Variants in CLTC observed in about 807,000 individuals in gnomAD.
The protein encoded by CLTC is clathrin heavy chain.
Under a neutral mutation model 195.8 loss-of-function variants are expected in CLTC, and 16 were observed. The ratio of observed to expected loss-of-function variants is 0.08; its 90% confidence interval spans 0.06 to 0.12. CLTC has a LOEUF of 0.12. Among genes scored for constraint, CLTC ranks in the 10% least tolerant of loss-of-function variants. The pLI is 1.00. For missense variants in CLTC, 796 were observed against 2,027.0 expected (o/e 0.39, Z 11.66); for synonymous variants, 667 against 689.4 (o/e 0.97, Z 0.51).
In CLTC at chr17:59,680,800, TTTC is replaced by T. The variant is rs549977115; in HGVS notation, c.2920-111_2920-109del. ...CTCTCTATGTAAATTTAAAGGTCTT[TTTC>T]CTACTTCATTCTTTTCTGCCTATTT... On this transcript the variant is annotated intron_variant, in intron 18 of 31. Coordinates refer to ENST00000269122, the MANE Select transcript of CLTC (RefSeq NM_004859.4). 2.5e-3 allele frequency: 1,945 copies of T among 776,856 alleles called. 8 individuals carry two copies. The highest frequency in any genetic ancestry group is 3.5e-3 in the Middle Eastern group (13 of 3,756). 48.1% of individuals were successfully genotyped at this position (776,856 alleles called of 1,614,324 possible).
rs1042639718 is a variant in CLTC, at chr17:59,693,917, G to A, written c.*65G>A. 1.4e-6 allele frequency: 2 copies of A among 1,455,128 alleles called. No individual in the cohort carries two copies. The highest frequency in any genetic ancestry group is 1.8e-6 in the Non-Finnish European group (2 of 1,094,910). 90.1% of individuals were successfully genotyped at this position (1,455,128 alleles called of 1,614,324 possible). ...AAACATCGTCTTTACCCACTTCTCA[G>A]TTTATAATGGGGGAAAACAGGCAAC... On this transcript the variant is annotated 3_prime_UTR_variant, in exon 32 of 32. Coordinates refer to ENST00000269122, the MANE Select transcript of CLTC (RefSeq NM_004859.4).
chr17:59,669,185 G>A (rs923139621), intron 14 of CLTC, among the ~76,000 whole-genome samples: 12 of 152,034 alleles, frequency 7.9e-5, no homozygotes, highest in Non-Finnish European at 2.9e-5. Flanking sequence ...TATTTCAAAG[G>A]AATTTCCTTT....
intron 31 of CLTC, among the ~76,000 whole-genome samples, chr17:59,691,755 AG>A (rs895557268): frequency 1.3e-5 from 2 of 151,552 alleles, no homozygotes; most frequent in Non-Finnish European, 2.9e-5. Context: ...AAAGTACTTT[AG>A]GAATTTAGAG....
intron 1 of CLTC, among the ~76,000 whole-genome samples, chr17:59,624,726 C>T (rs2031494512): frequency 6.6e-6 from 1 of 152,126 alleles, no homozygotes; most frequent in African/African-American, 2.4e-5. Flanking sequence ...ACCTCGACCT[C>T]CCAAAGTGCT....
chr17:59,637,987 T>TA (rs56038540), intron 1 of CLTC, among the ~76,000 whole-genome samples: 2 of 146,202 alleles, frequency 1.4e-5, no homozygotes, highest in Non-Finnish European at 3.0e-5. Flanking sequence ...AAACAAACTT[T>TA]AAAAAAAAAA....
intron 17 of CLTC, among the ~76,000 whole-genome samples, chr17:59,677,446 A>C (rs2032991138): frequency 1.3e-5 from 2 of 152,198 alleles, no homozygotes; most frequent in Non-Finnish European, 2.9e-5. Flanking sequence ...ACACTCAGGC[A>C]CACCATTCAT....
chr17:59,685,199 G>C lies in CLTC; in HGVS notation c.4578G>C (p.Glu1526Asp). Reference protein sequence around the residue: ...KGNNRWKQSVELCKKDSLYKD... With the variant: ...KGNNRWKQSVDLCKKDSLYKD... ...ACAATCGCTGGAAACAGAGTGTAGA[G>C]CTGTGCAAGAAAGACAGCCTTTACA... Residue 1526 changes from glutamate to aspartate, a missense_variant, in exon 29 of 32, where the codon GAG becomes GAC. By Grantham distance (45) the Glu-to-Asp change is conservative. Coordinates refer to ENST00000269122, the MANE Select transcript of CLTC (RefSeq NM_004859.4). The surrounding 1 kb of genome is among the most constrained non-coding windows in gnomAD (Gnocchi z 5.0). 7 of 1,591,256 alleles carry C rather than the reference G, an allele frequency of 4.4e-6. No individual in the cohort carries two copies. Among genetic ancestry groups the C allele is most frequent in the Non-Finnish European group, 6.0e-6 (7 of 1,165,568 alleles).
rs2033283702 is a variant in CLTC at position 59,690,967 on chromosome 17, C to G, written c.4903+256C>G. On this transcript the variant is annotated intron_variant, in intron 31 of 31. Coordinates refer to ENST00000269122, the MANE Select transcript of CLTC (RefSeq NM_004859.4). ...ACATGAATCTTTCCTATCATCTGGTCCCTCACGCATTACCTGCTCATAAAT... is the reference window on the plus strand; with the variant it reads ...ACATGAATCTTTCCTATCATCTGGTGCCTCACGCATTACCTGCTCATAAAT... 1.0e-5 allele frequency: 4 copies of G among 383,288 alleles called. No individual in the cohort carries two copies. The South Asian group carries it at 2.2e-4, about 21-fold the overall frequency. The allele number at this position is 383,288 out of a possible 1,614,324, so 23.7% of individuals were successfully genotyped here. A position where few individuals can be genotyped will look rare whatever the true frequency, so the allele number is the denominator to read the frequency against.
chr17:59,674,195 T>C (rs2032916327), intron 15 of CLTC, among the ~76,000 whole-genome samples: 1 of 151,930 alleles, frequency 6.6e-6, no homozygotes. Context: ...AGAATAGAAC[T>C]GCTATTATTG....
At chr17:59,622,314 A>T (rs1180344417) in intron 1 of CLTC, among the ~76,000 whole-genome samples, 1 of 152,226 alleles carries the variant, frequency 6.6e-6, no homozygotes, top group Non-Finnish European at 1.5e-5. Flanking sequence ...GTGGAGCCCA[A>T]ATAACTACAG....
rs1204553264 is a variant in CLTC, at chr17:59,673,729, A to T, written c.2375A>T (p.Tyr792Phe). The change falls in exon 15 of 32, where the codon TAT (tyrosine) becomes TTT (phenylalanine). Residue 792 changes from tyrosine to phenylalanine, a missense_variant. Transcript: ENST00000269122. ...GTCCATGATTTGGTGCTCTATTTAT[A>T]TAGAAATAATCTTCAAAAGTATATA... ...DFVHDLVLYL[Y>F]RNNLQKYIEI... 1 of 1,463,340 alleles carries T rather than the reference A, an allele frequency of 6.8e-7. No homozygotes were observed. The highest frequency in any genetic ancestry group is 9.6e-7 in the Non-Finnish European group (1 of 1,043,004). The allele number at this position is 1,463,340 out of a possible 1,614,324, so 90.6% of individuals were successfully genotyped here.
chr17:59,665,960 G>T (rs893627718), intron 10 of CLTC, 143 bp from the exon 11 acceptor site: 1 of 485,270 alleles, frequency 2.1e-6, no homozygotes, highest in Admixed American at 3.5e-5. Context: ...AAATAACTAT[G>T]ATCCCTAGAG....
At chr17:59,664,403 A>G (rs2032675605) in intron 9 of CLTC, among the ~76,000 whole-genome samples, 1 of 152,058 alleles carries the variant, frequency 6.6e-6, no homozygotes, top group African/African-American at 2.4e-5. Flanking sequence ...AATACAAAAA[A>G]GTAGCCAGGC....
intron 1 of CLTC, among the ~76,000 whole-genome samples, chr17:59,629,543 T>C: frequency 8.4e-6 from 1 of 118,496 alleles, no homozygotes; most frequent in African/African-American, 3.1e-5. Context: ...TTTTTTGAGA[T>C]GGAGTCTTGC....
chr17:59,629,125 A>G (rs1598201032), intron 1 of CLTC, among the ~76,000 whole-genome samples: 1 of 152,218 alleles, frequency 6.6e-6, no homozygotes, highest in Admixed American at 6.5e-5. Context: ...AATAAGGGGG[A>G]AAAACGTGTA....
At chr17:59,654,736 C>T (rs2032422463) in intron 5 of CLTC, among the ~76,000 whole-genome samples, 1 of 152,214 alleles carries the variant, frequency 6.6e-6, no homozygotes, top group South Asian at 2.1e-4. Flanking sequence ...CCACCTCGGC[C>T]TCCTAAAGTG....
chr17:59,660,091 A>G (rs1446978720), intron 6 of CLTC, among the ~76,000 whole-genome samples: 1 of 152,206 alleles, frequency 6.6e-6, no homozygotes, highest in East Asian at 1.9e-4. Context: ...CTGTGTTAAG[A>G]ATGAATAGAT....
At chr17:59,662,896 G>A (rs912120171) in intron 8 of CLTC, among the ~76,000 whole-genome samples, 1 of 152,136 alleles carries the variant, frequency 6.6e-6, no homozygotes, top group Non-Finnish European at 1.5e-5. Context: ...GCAACACAGC[G>A]AGACCTTATT....
intron 14 of CLTC, among the ~76,000 whole-genome samples, chr17:59,672,842 G>C (rs144360429): frequency 3.8e-4 from 58 of 152,262 alleles, no homozygotes; most frequent in Non-Finnish European, 5.3e-4. Context: ...CTAGTAGACT[G>C]TGTTAGAGGA....
Sources: gnomAD v4.1 joint callset for allele counts (sites outside exome capture counted in the v4.1 genomes callset) on GRCh38, gnomAD v4.1.1 for gene constraint, Gnocchi (gnomAD v3.1) non-coding constraint, MANE v1.5 for transcripts, NCBI Gene and HGNC (gene_info 2026-07-23, HGNC 2026-07-21) for gene names.